The following BYSL variants were observed in gnomAD, a reference collection of about 807,000 sequenced individuals.
The protein encoded by BYSL is bystin.
Under a neutral mutation model 45.4 loss-of-function variants are expected in BYSL, and 21 were observed. The observed-to-expected ratio is 0.46, with a 90% CI of 0.33 to 0.67. The LOEUF (loss-of-function observed/expected upper bound fraction) is 0.67, where lower values mean the gene tolerates loss of function less well. Ranked by LOEUF, BYSL falls within the 30% of genes least tolerant of loss-of-function variation. The probability of loss-of-function intolerance (pLI) is 0.02; values close to 1 mark genes in which losing one functional copy is unlikely to be tolerated. For synonymous variants in BYSL, 215 were observed against 231.3 expected (o/e 0.93, Z 0.64); for missense variants, 522 against 578.5 (o/e 0.90, Z 1.00).
chr6:41,931,542 G>A lies in BYSL; in HGVS notation c.851G>A (p.Gly284Glu), dbSNP rs200286317. 1.9e-6 allele frequency: 3 copies of A among 1,614,198 alleles called. No individual in the cohort carries two copies. In the African/African-American group the frequency reaches 4.0e-5, roughly 22 times the overall value. Residue 284 changes from glycine (G) to glutamate (E), a missense_variant, in exon 5 of 7, where the codon GGA (glycine) becomes GAA (glutamate). Transcript: ENST00000230340. ...MALKKALFKP[G>E]AWFKGILIPL... ...CTCAAGAAGGCCCTTTTCAAACCTG[G>A]AGCCTGGTTCAAAGGTGGGATCCCA...
At chr6:41,916,808 G>C (rs758738114), upstream of BYSL, 1 of 1,614,068 alleles carries the variant, frequency 6.2e-7, no homozygotes, top group South Asian at 1.1e-5. Flanking sequence ...GGTAGAGGCG[G>C]CCGTATGGTA....
At chr6:41,916,535 G>A (rs1243628381), upstream of BYSL, among the ~76,000 whole-genome samples, 3 of 150,870 alleles carry the variant, frequency 2.0e-5, no homozygotes, top group Non-Finnish European at 4.4e-5. Flanking sequence ...AGCTGAGATC[G>A]CACCATTGCA....
In BYSL at chr6:41,932,338, A is replaced by C; in HGVS notation, c.969-23A>C. ...TTCCAATGTTTTCCCTGCTTACTCT[A>C]CCCCACCTCCCTTTCCCACTAGTGC... On this transcript the variant is annotated intron_variant, in intron 6 of 6. Transcript: ENST00000230340. This position sits in a 1 kb window ranked among gnomAD's most constrained non-coding sequence, Gnocchi z 4.7. 1.9e-6 allele frequency: 3 copies of C among 1,595,524 alleles called. No homozygotes were observed. Among genetic ancestry groups the C allele is most frequent in the Non-Finnish European group, 2.6e-6 (3 of 1,172,460 alleles).
upstream of BYSL, chr6:41,920,961 T>C (rs772032957): frequency 1.3e-6 from 2 of 1,598,344 alleles, no homozygotes; most frequent in Admixed American, 1.7e-5. Flanking sequence ...TTCCGGCCTT[T>C]CACAACTCCA....
In BYSL at chr6:41,932,340, C is replaced by T; in HGVS notation, c.969-21C>T. 6.3e-7 allele frequency: 1 copy of T among 1,596,884 alleles called. No homozygotes were observed. Among genetic ancestry groups the T allele is most frequent in the Non-Finnish European group, 8.5e-7 (1 of 1,173,302 alleles). ...CCAATGTTTTCCCTGCTTACTCTACCCCACCTCCCTTTCCCACTAGTGCGG... is the reference window on the plus strand; with the variant it reads ...CCAATGTTTTCCCTGCTTACTCTACTCCACCTCCCTTTCCCACTAGTGCGG... On this transcript the variant is annotated intron_variant, in intron 6 of 6. Coordinates refer to ENST00000230340, the MANE Select transcript of BYSL (RefSeq NM_004053.4). This position sits in a 1 kb window ranked among gnomAD's most constrained non-coding sequence, Gnocchi z 4.7.
chr6:41,917,940 G>A (rs1158038565), upstream of BYSL: 1 of 310,190 alleles, frequency 3.2e-6, no homozygotes, highest in Admixed American at 4.0e-5. Flanking sequence ...AAGAAAAGCA[G>A]TCTTCAAGTT....
chr6:41,931,718 C>T lies in BYSL; in HGVS notation c.866-10C>T. 1.9e-6 allele frequency: 3 copies of T among 1,613,478 alleles called. No individual in the cohort carries two copies. The highest frequency in any genetic ancestry group is 1.1e-5 in the South Asian group (1 of 91,068). On this transcript the variant is annotated splice_polypyrimidine_tract_variant and intron_variant, in intron 5 of 6. Coordinates refer to ENST00000230340, the MANE Select transcript of BYSL (RefSeq NM_004053.4). The stretch of plus-strand genomic sequence containing the variant: ...TGGGCTCACAGTGGCTGCCCTTTGA[C>T]TCTCCCTAGGGATCCTGATTCCACT...
At chr6:41,918,010 C>G (rs750757530), upstream of BYSL, 1 of 258,908 alleles carries the variant, frequency 3.9e-6, no homozygotes, top group Non-Finnish European at 8.3e-6. Flanking sequence ...AAGAATGGAA[C>G]AAAACAAAAA....
intron 1 of BYSL, among the ~76,000 whole-genome samples, chr6:41,926,595 C>CATAA (rs1775566908): frequency 6.6e-6 from 1 of 151,482 alleles, no homozygotes; most frequent in Non-Finnish European, 1.5e-5. Context: ...GGACTACAGG[C>CATAA]GCCCACCACC....
In BYSL at chr6:41,932,599, G is replaced by C. The variant is rs778877103; in HGVS notation, c.1207G>C (p.Glu403Gln). 5 of 1,614,068 alleles carry C rather than the reference G, an allele frequency of 3.1e-6. No individual in the cohort carries two copies. The highest frequency in any genetic ancestry group is 3.4e-6 in the Non-Finnish European group (4 of 1,180,052). The change falls in exon 7 of 7, where the codon GAA becomes CAA. Residue 403 changes from glutamate to glutamine, a missense_variant. Physicochemically the swap from Glu to Gln is conservative, Grantham distance 29. Coordinates refer to ENST00000230340, the MANE Select transcript of BYSL (RefSeq NM_004053.4). This position sits in a 1 kb window ranked among gnomAD's most constrained non-coding sequence, Gnocchi z 4.7. ...LATDQKEALL[E>Q]LLRLQPHPQL... ...CACAGACCAGAAAGAGGCCCTCTTA[G>C]AACTGCTCCGGCTGCAGCCCCATCC...
At chr6:41,917,399 TAA>T (rs1236182311), upstream of BYSL, 103 of 158,956 alleles carry the variant, frequency 6.5e-4, no homozygotes, top group South Asian at 2.9e-3. Context: ...GACGCCATCT[TAA>T]AAAAAAAAAA....
chr6:41,932,849 TC>T lies in BYSL; in HGVS notation c.*145del. 1.1e-6 allele frequency: 1 copy of T among 894,996 alleles called. No homozygotes were observed. The highest frequency in any genetic ancestry group is 1.7e-6 in the Non-Finnish European group (1 of 603,340). The allele number at this position is 894,996 out of a possible 1,614,324, so 55.4% of individuals were successfully genotyped here. A position where few individuals can be genotyped will look rare whatever the true frequency, so the allele number is the denominator to read the frequency against. ...TCACAGGGACATCTGTGGCTCCCAGTCCAGGACAGGAAGGACTGAGGGTCTG... is the reference window on the plus strand; with the variant it reads ...TCACAGGGACATCTGTGGCTCCCAGTCAGGACAGGAAGGACTGAGGGTCTG... On this transcript the variant is annotated 3_prime_UTR_variant, in exon 7 of 7. Coordinates refer to ENST00000230340, the MANE Select transcript of BYSL (RefSeq NM_004053.4). The surrounding 1 kb of genome is among the most constrained non-coding windows in gnomAD (Gnocchi z 4.7).
At chr6:41,928,184 G>A (rs895967929) in intron 2 of BYSL, among the ~76,000 whole-genome samples, 1 of 152,118 alleles carries the variant, frequency 6.6e-6, no homozygotes, top group Non-Finnish European at 1.5e-5. Context: ...GACTGCCTGT[G>A]GTCAAACTCC....
chr6:41,912,199 C>CTTTTTTTT, the BYSL span, among the ~76,000 whole-genome samples: 1 of 119,294 alleles, frequency 8.4e-6, no homozygotes, highest in African/African-American at 3.5e-5. Context: ...CCATGCCCAC[C>CTTTTTTTT]TTTTTTTTTT....
chr6:41,913,458 C>T, the BYSL span, among the ~76,000 whole-genome samples: 2 of 152,196 alleles, frequency 1.3e-5, no homozygotes, highest in Non-Finnish European at 2.9e-5. Context: ...ATATCTATAT[C>T]CAAATGTTTT....
chr6:41,916,810 C>T (rs778167430), upstream of BYSL: 66 of 1,613,908 alleles, frequency 4.1e-5, no homozygotes, highest in Admixed American at 6.0e-4. Flanking sequence ...TAGAGGCGGC[C>T]GTATGGTAAG....
the BYSL span, chr6:41,909,173 CAAAA>C: frequency 1.5e-6 from 2 of 1,313,494 alleles, no homozygotes; most frequent in Non-Finnish European, 2.1e-6. Flanking sequence ...GACTCTGTCT[CAAAA>C]AAAAAAAAAG....
intron 1 of BYSL, among the ~76,000 whole-genome samples, chr6:41,927,094 A>C (rs1775574066): frequency 7.3e-6 from 1 of 137,748 alleles, no homozygotes; most frequent in Non-Finnish European, 1.6e-5. Context: ...ACTCCATTTC[A>C]AAAAAAAAAA....
At chr6:41,911,857 G>A in the BYSL span, among the ~76,000 whole-genome samples, 2 of 151,900 alleles carry the variant, frequency 1.3e-5, no homozygotes, top group Non-Finnish European at 2.9e-5. Context: ...CGACTCTGAA[G>A]AAAAAAATCC....
Sources: allele counts gnomAD v4.1 joint callset (sites outside exome capture counted in the v4.1 genomes callset), GRCh38; gene constraint gnomAD v4.1.1; non-coding constraint Gnocchi (gnomAD v3.1); transcripts MANE v1.5; gene names NCBI Gene and HGNC (gene_info 2026-07-23, HGNC 2026-07-21).